CLSTN2: variants seen among roughly 807,000 people sequenced by gnomAD.
The protein encoded by CLSTN2 is calsyntenin-2.
In CLSTN2, 48 loss-of-function variants were observed where a neutral mutation model predicts 101.2. The ratio of observed to expected loss-of-function variants is 0.47; its 90% CI spans 0.38 to 0.60. The LOEUF is 0.60. Ranked by LOEUF, CLSTN2 falls within the 20% of genes least tolerant of loss-of-function variation. CLSTN2 has a pLI of 0.00. For missense variants in CLSTN2, 1,160 were observed against 1,238.2 expected (o/e 0.94, Z 0.95); for synonymous variants, 481 against 463.6 (o/e 1.04, Z -0.48).
chr3:140,426,574 C>A (rs1348382709), intron 5 of CLSTN2, among the ~76,000 whole-genome samples: 2 of 152,190 alleles, frequency 1.3e-5, no homozygotes, highest in Non-Finnish European at 2.9e-5. Context: ...TAGTCTATAG[C>A]ACTGACTGTC....
At chr3:140,330,581 C>T (rs1205828614) in intron 2 of CLSTN2, among the ~76,000 whole-genome samples, 1 of 152,158 alleles carries the variant, frequency 6.6e-6, no homozygotes, top group Non-Finnish European at 1.5e-5. Flanking sequence ...CTGAGGTCAC[C>T]TCCCAAGTAA....
At chr3:140,564,600 C>T (rs1437243117) in intron 16 of CLSTN2, among the ~76,000 whole-genome samples, 7 of 152,162 alleles carry the variant, frequency 4.6e-5, no homozygotes, top group South Asian at 2.1e-4. Flanking sequence ...ATAGCAGCAA[C>T]GCCTGCCATT....
chr3:139,978,718 A>C (rs898364943), intron 1 of CLSTN2, among the ~76,000 whole-genome samples: 5 of 150,664 alleles, frequency 3.3e-5, no homozygotes, highest in African/African-American at 1.2e-4. Flanking sequence ...TGGAAGGGAG[A>C]GGGAACCAGA....
intron 2 of CLSTN2, among the ~76,000 whole-genome samples, chr3:140,350,276 A>ATAATAGC (rs2087591836): frequency 6.6e-6 from 1 of 152,236 alleles, no homozygotes; most frequent in African/African-American, 2.4e-5. Flanking sequence ...ATCTCAGAAA[A>ATAATAGC]TAATAATAGC....
intron 2 of CLSTN2, among the ~76,000 whole-genome samples, chr3:140,297,673 G>C (rs1287859513): frequency 1.3e-5 from 2 of 152,160 alleles, no homozygotes; most frequent in African/African-American, 4.8e-5. Context: ...GGCTGGATTC[G>C]ACCTGTGGGC....
At chr3:140,346,414 A>G (rs1185793284) in intron 2 of CLSTN2, among the ~76,000 whole-genome samples, 1 of 151,932 alleles carries the variant, frequency 6.6e-6, no homozygotes, top group Non-Finnish European at 1.5e-5. Flanking sequence ...GGTGACCCAT[A>G]CTCTGGTTGT....
chr3:140,255,528 T>A (rs998016932), intron 2 of CLSTN2, among the ~76,000 whole-genome samples: 8 of 152,156 alleles, frequency 5.3e-5, no homozygotes, highest in African/African-American at 1.7e-4. Flanking sequence ...CTGCATGTTG[T>A]CACTTATAAG....
intron 1 of CLSTN2, among the ~76,000 whole-genome samples, chr3:139,969,130 G>A (rs113637963): frequency 2.0e-4 from 30 of 152,248 alleles, no homozygotes; most frequent in African/African-American, 7.2e-4. Context: ...TGGATAGGAA[G>A]GGTCTTATTC....
intron 2 of CLSTN2, among the ~76,000 whole-genome samples, chr3:140,362,602 C>G (rs565794209): frequency 2.7e-4 from 41 of 152,100 alleles, no homozygotes; most frequent in African/African-American, 9.2e-4. Flanking sequence ...ATAAATAACT[C>G]TTACAATTTA....
chr3:140,104,476 A>G (rs920991716), intron 1 of CLSTN2, among the ~76,000 whole-genome samples: 1 of 152,198 alleles, frequency 6.6e-6, no homozygotes, highest in East Asian at 1.9e-4. Flanking sequence ...TCCTCACCCT[A>G]ATGCCATTGG....
At chr3:140,338,432 C>T (rs115181071) in intron 2 of CLSTN2, among the ~76,000 whole-genome samples, 4,482 of 152,294 alleles carry the variant, frequency 0.029, 92 homozygotes, top group South Asian at 0.073. Context: ...GGGTTCAAGT[C>T]TCAGCTCTAT....
intron 2 of CLSTN2, among the ~76,000 whole-genome samples, chr3:140,357,774 T>G (rs1054310518): frequency 1.3e-5 from 2 of 152,142 alleles, no homozygotes. Flanking sequence ...GGAGTATGGT[T>G]TAGATGCTAT....
intron 1 of CLSTN2, among the ~76,000 whole-genome samples, chr3:140,029,457 C>T (rs567651878): frequency 1.5e-3 from 235 of 152,220 alleles, no homozygotes; most frequent in Non-Finnish European, 2.7e-3. Context: ...ACAGCTGATA[C>T]GGATGTCTGC....
At chr3:140,190,047 A>C (rs964582192) in intron 2 of CLSTN2, among the ~76,000 whole-genome samples, 1 of 152,184 alleles carries the variant, frequency 6.6e-6, no homozygotes, top group Admixed American at 6.6e-5. Flanking sequence ...CAGGGTAGAA[A>C]GGGGAAGACA....
At chr3:140,021,670 G>A (rs1351612916) in intron 1 of CLSTN2, among the ~76,000 whole-genome samples, 1 of 152,106 alleles carries the variant, frequency 6.6e-6, no homozygotes, top group Non-Finnish European at 1.5e-5. Context: ...GGAGCATCTG[G>A]AAGTACTCTC....
intron 2 of CLSTN2, among the ~76,000 whole-genome samples, chr3:140,268,233 C>T (rs1301994978): frequency 6.6e-6 from 1 of 152,150 alleles, no homozygotes; most frequent in East Asian, 1.9e-4. Context: ...AGGGAGGAAT[C>T]ATCCAGCAGA....
At chr3:140,041,115 A>G (rs774645618) in intron 1 of CLSTN2, among the ~76,000 whole-genome samples, 1 of 152,176 alleles carries the variant, frequency 6.6e-6, no homozygotes, top group Non-Finnish European at 1.5e-5. Flanking sequence ...TCATCACGTT[A>G]AATCCGGAGA....
chr3:140,219,779 T>G (rs2086250916), intron 2 of CLSTN2, among the ~76,000 whole-genome samples: 2 of 152,148 alleles, frequency 1.3e-5, no homozygotes, highest in South Asian at 4.2e-4. Context: ...CTTTCAAGCA[T>G]TTTGTTTGGT....
chr3:140,041,773 C>T (rs1481117433), intron 1 of CLSTN2, among the ~76,000 whole-genome samples: 1 of 152,174 alleles, frequency 6.6e-6, no homozygotes. Flanking sequence ...TTCTCTCAAC[C>T]CATCAGGCAA....
Sources: allele counts gnomAD v4.1 joint callset (sites outside exome capture counted in the v4.1 genomes callset), GRCh38; gene constraint gnomAD v4.1.1; transcripts MANE v1.5; gene names NCBI Gene and HGNC (gene_info 2026-07-23, HGNC 2026-07-21).